ANAPC1: variants seen among roughly 807,000 people sequenced by gnomAD.
ANAPC1 encodes anaphase promoting complex subunit 1, also known as anaphase-promoting complex subunit 1.
ANAPC1 carries 36 observed loss-of-function variants against 208.0 expected under a neutral mutation model. The observed-to-expected ratio is 0.17, with a 90% CI of 0.13 to 0.23. The LOEUF is 0.23. Ranked by LOEUF, ANAPC1 falls within the 10% of genes least tolerant of loss-of-function variation. ANAPC1 has a pLI of 1.00. For missense variants in ANAPC1, 942 were observed against 2,011.6 expected, an observed-to-expected ratio of 0.47 and a Z score of 10.17; for synonymous variants, 378 against 695.2, an observed-to-expected ratio of 0.54 and a Z score of 7.18.
At chr2:111,791,068 T>C (rs1175401114) in intron 38 of ANAPC1, among the ~76,000 whole-genome samples, 2 of 152,258 alleles carry the variant, frequency 1.3e-5, no homozygotes, top group Non-Finnish European at 2.9e-5. Flanking sequence ...ATGTGTATTT[T>C]ACCACAAATA....
At chr2:111,826,684 C>T (rs142985463) in intron 21 of ANAPC1, among the ~76,000 whole-genome samples, 1,399 of 136,334 alleles carry the variant, frequency 0.01, 27 homozygotes, top group African/African-American at 0.036. Context: ...TTTTTTGAGA[C>T]GGAGTCTCAC....
At chr2:111,806,487 G>A (rs1365981962) in intron 29 of ANAPC1, among the ~76,000 whole-genome samples, 1 of 45,790 alleles carries the variant, frequency 2.2e-5, no homozygotes, top group Non-Finnish European at 4.4e-5. Flanking sequence ...AAATCAGGTC[G>A]CTGCACTCCA....
rs147812827 is a variant in ANAPC1 at position 111,823,640 on chromosome 2, G to A, written c.2813-1040C>T. Among the ~76,000 whole-genome samples, 795 of 152,154 alleles carry A rather than the reference G, an allele frequency of 5.2e-3. 4 individuals carry two copies. Among genetic ancestry groups the A allele is most frequent in the African/African-American group, 0.019 (768 of 41,490 alleles). On this transcript the variant is annotated intron_variant, in intron 24 of 47. Transcript: ENST00000341068. ...GCCCGCTGCTACTGCTACATGAGTCGACATGGATGAATCTTTAAAAAACAA... is the reference window on the plus strand; with the variant it reads ...GCCCGCTGCTACTGCTACATGAGTCAACATGGATGAATCTTTAAAAAACAA...
intron 37 of ANAPC1, among the ~76,000 whole-genome samples, chr2:111,793,190 C>G: frequency 6.6e-6 from 1 of 151,976 alleles, no homozygotes; most frequent in Non-Finnish European, 1.5e-5. Context: ...TTTAAATGAC[C>G]TATTACAAGC....
chr2:111,788,910 G>A (rs1159596876), intron 38 of ANAPC1, among the ~76,000 whole-genome samples: 32 of 151,890 alleles, frequency 2.1e-4, no homozygotes, highest in African/African-American at 6.7e-4. Context: ...AGGCCGAGGC[G>A]GGCGGATCAC....
chr2:111,798,742 G>A (rs925326453), intron 34 of ANAPC1, among the ~76,000 whole-genome samples: 4 of 152,180 alleles, frequency 2.6e-5, no homozygotes, highest in Non-Finnish European at 4.4e-5. Context: ...ATTTGCAAAA[G>A]AAATCTGACA....
At chr2:111,843,670 G>C (rs1680891787) in intron 16 of ANAPC1, 71 bp from the exon 17 acceptor site, 2 of 1,376,536 alleles carry the variant, frequency 1.5e-6, no homozygotes, top group African/African-American at 2.9e-5. Flanking sequence ...CAATCACCAA[G>C]TTTTTTAACT....
rs1683472819 is a variant in ANAPC1 at position 111,883,946 on chromosome 2, A to G, written c.-29T>C. On this transcript the variant is annotated 5_prime_UTR_variant, in exon 1 of 48. Transcript: ENST00000341068. The stretch of plus-strand genomic sequence containing the variant: ...GCTGCGGTACGGCGCCCGCACCTGT[A>G]TAACTCGGGACGCGTCAGGCGCGGC... 1 of 152,276 alleles carries G rather than the reference A, an allele frequency of 6.6e-6. No individual in the cohort carries two copies. The highest frequency in any genetic ancestry group is 1.5e-5 in the Non-Finnish European group (1 of 68,118). The allele number at this position is 152,276 out of a possible 1,614,324, so 9.4% of individuals were successfully genotyped here. A position where few individuals can be genotyped will look rare whatever the true frequency, so the allele number is the denominator to read the frequency against.
At chr2:111,867,823 G>A (rs1218418680) in intron 7 of ANAPC1, among the ~76,000 whole-genome samples, 200 bp downstream of exon 7, 1 of 151,938 alleles carries the variant, frequency 6.6e-6, no homozygotes, top group African/African-American at 2.4e-5. Flanking sequence ...ATTCCTCACT[G>A]ATTTATATGC....
intron 10 of ANAPC1, among the ~76,000 whole-genome samples, chr2:111,859,941 T>A (rs1204926021): frequency 2.6e-5 from 4 of 152,186 alleles, no homozygotes; most frequent in Non-Finnish European, 4.4e-5. Flanking sequence ...GGACTCAACA[T>A]TAGAGTATAT....
chr2:111,787,708 T>C (rs1288416737), intron 39 of ANAPC1, among the ~76,000 whole-genome samples: 1 of 151,898 alleles, frequency 6.6e-6, no homozygotes, highest in Admixed American at 6.6e-5. Flanking sequence ...TGCTTCTACA[T>C]GGTTTGAAGT....
chr2:111,858,192 T>C (rs1399774350), intron 11 of ANAPC1, 114 bp downstream of exon 11: 2 of 689,170 alleles, frequency 2.9e-6, no homozygotes, highest in African/African-American at 1.8e-5. Context: ...TTTTATGACA[T>C]GTAAATTATT....
intron 5 of ANAPC1, 25 bp from the exon 6 acceptor site, chr2:111,872,737 G>A: frequency 6.6e-7 from 1 of 1,524,468 alleles, no homozygotes; most frequent in Non-Finnish European, 9.1e-7. Context: ...GGTGGGAAAA[G>A]ATAGAAGTAA....
At chr2:111,858,470 A>C (rs1444418487) in intron 10 of ANAPC1, 69 bp from the exon 11 acceptor site, 8 of 1,397,386 alleles carry the variant, frequency 5.7e-6, no homozygotes, top group African/African-American at 1.5e-5. Context: ...AACTATTAAA[A>C]GTCTTTGAGG....
intron 20 of ANAPC1, among the ~76,000 whole-genome samples, chr2:111,832,071 T>C (rs1243322881): frequency 6.8e-6 from 1 of 146,594 alleles, no homozygotes; most frequent in African/African-American, 2.5e-5. Flanking sequence ...GTCAGGTGGA[T>C]CACTTGAGGT....
chr2:111,851,137 C>A (rs1310636087), intron 13 of ANAPC1, among the ~76,000 whole-genome samples: 1 of 151,134 alleles, frequency 6.6e-6, no homozygotes, highest in Non-Finnish European at 1.5e-5. Context: ...AGATCTCACT[C>A]TTTTCCCGTG....
intron 8 of ANAPC1, among the ~76,000 whole-genome samples, chr2:111,864,449 C>CATATATATATAT (rs57591480): frequency 1.0e-5 from 1 of 95,700 alleles, no homozygotes; most frequent in Admixed American, 1.7e-4. Flanking sequence ...ACTACTCTTT[C>CATATATATATAT]ATATATATAT....
At chr2:111,870,891 A>G (rs1189793681) in intron 6 of ANAPC1, among the ~76,000 whole-genome samples, 1 of 152,092 alleles carries the variant, frequency 6.6e-6, no homozygotes, top group Non-Finnish European at 1.5e-5. Context: ...AAAAAACCCA[A>G]TTTCATTCTT....
intron 14 of ANAPC1, among the ~76,000 whole-genome samples, chr2:111,849,132 C>G (rs1039897604): frequency 8.5e-5 from 13 of 152,236 alleles, no homozygotes; most frequent in African/African-American, 2.9e-4. Flanking sequence ...ATTCCAGATT[C>G]TACTCTAAAA....
Sources: allele counts gnomAD v4.1 joint callset (sites outside exome capture counted in the v4.1 genomes callset), GRCh38; gene constraint gnomAD v4.1.1; transcripts MANE v1.5; gene names NCBI Gene and HGNC (gene_info 2026-07-23, HGNC 2026-07-21).